The following LRBA variants were observed in gnomAD, a reference collection of about 807,000 sequenced individuals.
LRBA encodes lipopolysaccharide-responsive and beige-like anchor protein.
LRBA carries 176 observed loss-of-function variants against 330.0 expected under a neutral mutation model. The observed-to-expected ratio is 0.53, with a 90% confidence interval of 0.47 to 0.60. LRBA has a LOEUF of 0.60. Among genes scored for constraint, LRBA ranks in the 20% least tolerant of loss-of-function variants. The pLI is 0.00. For missense variants in LRBA, 3,259 were observed against 3,444.8 expected, an observed-to-expected ratio of 0.95 and a Z score of 1.35; for synonymous variants, 1,230 against 1,193.0, an observed-to-expected ratio of 1.03 and a Z score of -0.64.
At chr4:150,903,573 T>C (rs1392546836) in intron 13 of LRBA, among the ~76,000 whole-genome samples, 1 of 151,642 alleles carries the variant, frequency 6.6e-6, no homozygotes, top group African/African-American at 2.4e-5. Flanking sequence ...ACATCATCTC[T>C]ACAAAAAAAT....
At chr4:150,810,215 A>T (rs1743519871) in intron 31 of LRBA, among the ~76,000 whole-genome samples, 1 of 152,134 alleles carries the variant, frequency 6.6e-6, no homozygotes, top group Non-Finnish European at 1.5e-5. Context: ...AAATCTAAGG[A>T]TCCAAAAATC....
intron 2 of LRBA, among the ~76,000 whole-genome samples, chr4:150,953,980 T>A (rs1737194382): frequency 7.3e-6 from 1 of 137,062 alleles, no homozygotes; most frequent in Non-Finnish European, 1.6e-5. Context: ...CGCCACCCCG[T>A]CTGGGAGGTA....
chr4:150,701,495 G>A (rs945633494), intron 36 of LRBA, among the ~76,000 whole-genome samples: 4 of 152,096 alleles, frequency 2.6e-5, no homozygotes, highest in African/African-American at 9.7e-5. Flanking sequence ...GTTACACTAT[G>A]ACATTACAAT....
chr4:150,893,714 C>T (rs1040912325), intron 16 of LRBA, among the ~76,000 whole-genome samples: 7 of 152,006 alleles, frequency 4.6e-5, no homozygotes, highest in East Asian at 3.9e-4. Flanking sequence ...CTTGCTGTGT[C>T]GCCCAGGCTG....
intron 16 of LRBA, 47 bp downstream of exon 16, chr4:150,896,347 T>A: frequency 9.9e-7 from 1 of 1,008,118 alleles, no homozygotes; most frequent in Non-Finnish European, 1.5e-6. Context: ...AAAAGTCTAA[T>A]GTAGCTTCAA....
chr4:150,885,973 T>A (rs567667650), intron 17 of LRBA, among the ~76,000 whole-genome samples: 1 of 152,108 alleles, frequency 6.6e-6, no homozygotes, highest in South Asian at 2.1e-4. Context: ...TGAAAGAATA[T>A]ACTGTAAAAC....
At chr4:150,726,917 A>T in intron 36 of LRBA, among the ~76,000 whole-genome samples, 1 of 151,730 alleles carries the variant, frequency 6.6e-6, no homozygotes. Context: ...GATAGACTCC[A>T]ATACAATAAT....
intron 40 of LRBA, among the ~76,000 whole-genome samples, chr4:150,540,835 T>A (rs1765241238): frequency 6.6e-6 from 1 of 152,114 alleles, no homozygotes; most frequent in South Asian, 2.1e-4. Context: ...GAGCATAAAC[T>A]CAAAATTTAA....
intron 22 of LRBA, among the ~76,000 whole-genome samples, chr4:150,864,926 G>A (rs775860696): frequency 5.9e-5 from 9 of 152,024 alleles, no homozygotes; most frequent in Non-Finnish European, 8.8e-5. Context: ...ATGTGCCATC[G>A]TGCCTGGCCT....
At chr4:150,599,634 G>A (rs1773904828) in intron 37 of LRBA, among the ~76,000 whole-genome samples, 1 of 152,124 alleles carries the variant, frequency 6.6e-6, no homozygotes, top group African/African-American at 2.4e-5. Context: ...ATGAATTCTT[G>A]GTCCAGAAAG....
intron 53 of LRBA, among the ~76,000 whole-genome samples, chr4:150,294,187 T>C (rs1408331524): frequency 6.6e-6 from 1 of 152,214 alleles, no homozygotes; most frequent in Admixed American, 6.5e-5. Context: ...AGTGTATACT[T>C]AAAAGTATAC....
intron 37 of LRBA, among the ~76,000 whole-genome samples, chr4:150,635,759 C>A (rs1463911454): frequency 6.6e-6 from 1 of 152,148 alleles, no homozygotes; most frequent in Non-Finnish European, 1.5e-5. Flanking sequence ...TTATTACCTT[C>A]CGATTTTAAG....
At chr4:150,407,134 C>G (rs1746313523) in intron 47 of LRBA, among the ~76,000 whole-genome samples, 1 of 152,060 alleles carries the variant, frequency 6.6e-6, no homozygotes, top group Admixed American at 6.6e-5. Flanking sequence ...AGGGAGGACC[C>G]TAAATGCAAT....
At chr4:150,773,849 T>C (rs914353726) in intron 34 of LRBA, among the ~76,000 whole-genome samples, 1 of 152,166 alleles carries the variant, frequency 6.6e-6, no homozygotes, top group African/African-American at 2.4e-5. Flanking sequence ...CACCTAAAAC[T>C]CTATTGATCA....
chr4:150,708,710 A>G (rs1185764681), intron 36 of LRBA, among the ~76,000 whole-genome samples: 1 of 151,842 alleles, frequency 6.6e-6, no homozygotes, highest in Non-Finnish European at 1.5e-5. Flanking sequence ...AACAAAATAA[A>G]TAATAGTTCA....
rs1554011509 is a variant in LRBA at position 150,373,177 on chromosome 4, G to GAGAGAGAC, written c.7195-23019_7195-23018insGTCTCTCT. The stretch of plus-strand genomic sequence containing the variant: ...TGTGTGTGTGTGTGTGTGTGTGAGA[G>GAGAGAGAC]AGAGAGAGAGAGAGAGAGAGAGAGA... On this transcript the variant is annotated intron_variant, in intron 47 of 56. Transcript: ENST00000651943. Among the ~76,000 whole-genome samples, 380 of 146,276 alleles carry GAGAGAGAC rather than the reference G, an allele frequency of 2.6e-3. 1 individual carries two copies. Among genetic ancestry groups the GAGAGAGAC allele is most frequent in the African/African-American group, 8.8e-3 (339 of 38,724 alleles).
chr4:150,988,110 A>C (rs1182605929), intron 2 of LRBA, among the ~76,000 whole-genome samples: 5 of 152,130 alleles, frequency 3.3e-5, no homozygotes, highest in Admixed American at 2.6e-4. Context: ...TCTCAAATAC[A>C]CAAGAAAAAA....
intron 35 of LRBA, among the ~76,000 whole-genome samples, chr4:150,757,403 C>T (rs1464623338): frequency 6.6e-6 from 1 of 152,126 alleles, no homozygotes; most frequent in Non-Finnish European, 1.5e-5. Context: ...CTCTACAAGT[C>T]TGTTAGACCT....
intron 50 of LRBA, 95 bp from the exon 51 acceptor site, chr4:150,315,718 C>T (rs992487181): frequency 6.6e-6 from 5 of 754,898 alleles, no homozygotes; most frequent in East Asian, 5.8e-5. Context: ...GAATTGTTTC[C>T]AATCTCTAAA....
Sources: allele counts gnomAD v4.1 joint callset (sites outside exome capture counted in the v4.1 genomes callset), GRCh38; gene constraint gnomAD v4.1.1; transcripts MANE v1.5; gene names NCBI Gene and HGNC (gene_info 2026-07-23, HGNC 2026-07-21).